Variants in EGFR observed in about 807,000 individuals in gnomAD.
EGFR encodes epidermal growth factor receptor.
A neutral mutation model predicts 143.0 loss-of-function variants in EGFR; 58 were observed. The observed-to-expected ratio is 0.41, with a 90% CI of 0.33 to 0.50. The LOEUF (loss-of-function observed/expected upper bound fraction) is 0.50. Among genes scored for constraint, EGFR ranks in the 20% least tolerant of loss-of-function variants. The pLI is 0.39. For missense variants in EGFR, 1,307 were observed against 1,579.0 expected, an observed-to-expected ratio of 0.83 and a Z score of 2.92; for synonymous variants, 613 against 594.4, an observed-to-expected ratio of 1.03 and a Z score of -0.45.
chr7:55,083,343 T>G (rs976805064), intron 1 of EGFR, among the ~76,000 whole-genome samples: 8 of 152,246 alleles, frequency 5.3e-5, no homozygotes, highest in Admixed American at 2.0e-4. Context: ...CTTGGTATTC[T>G]TTAGACAATA....
rs1472380296 is a variant in EGFR, at chr7:55,156,591, T to C, written c.1065T>C (p.Asn355=). Residue 355 remains asparagine, a synonymous_variant, in exon 9 of 28, where the codon AAT becomes AAC. Transcript: ENST00000275493. ...ACTCACTCTCCATAAATGCTACGAA[T>C]ATTAAACACTTCAAAAACTGCACCT... ...FKDSLSINAT[N]IKHFKNCTSI... is the part of the protein sequence containing the mutation. The C allele has an allele frequency of 3.1e-6, 5 of 1,614,276 alleles. No homozygotes were observed. The highest frequency in any genetic ancestry group is 4.2e-6 in the Non-Finnish European group (5 of 1,180,048).
At chr7:55,164,435 C>A (rs902868484) in intron 14 of EGFR, among the ~76,000 whole-genome samples, 2 of 152,170 alleles carry the variant, frequency 1.3e-5, no homozygotes, top group Non-Finnish European at 2.9e-5. Context: ...ATTTTTTAGA[C>A]ATTCTCTAAA....
Position 55,160,192 on chromosome 7 carries a change from G to A in EGFR, c.1352G>A (p.Arg451His), listed in dbSNP as rs751667594. 4.3e-6 allele frequency: 7 copies of A among 1,614,126 alleles called. No homozygotes were observed. The highest frequency in any genetic ancestry group is 1.3e-5 in the African/African-American group (1 of 75,056). ...VSLNITSLGL[R>H]SLKEISDGDV... ...CTGAACATAACATCCTTGGGATTAC[G>A]CTCCCTCAAGGAGATAAGTGATGGA... Residue 451 changes from arginine to histidine, a missense_variant, in exon 12 of 28, where the codon CGC (arginine) becomes CAC (histidine). By Grantham distance (29) the Arg-to-His change is conservative. Around this residue, in one of 7 missense-constraint regions of EGFR, gnomAD observed 250 missense variants for 295.1 expected, o/e 0.85. Transcript: ENST00000275493.
intron 1 of EGFR, among the ~76,000 whole-genome samples, chr7:55,056,394 T>C (rs1237561301): frequency 6.6e-6 from 1 of 152,194 alleles, no homozygotes; most frequent in African/African-American, 2.4e-5. Context: ...TTATGTCTGA[T>C]TTTTTTCCTC....
At chr7:55,131,952 A>G (rs1584117137) in intron 1 of EGFR, among the ~76,000 whole-genome samples, 1 of 151,500 alleles carries the variant, frequency 6.6e-6, no homozygotes, top group African/African-American at 2.4e-5. Context: ...AAAAAAAAAA[A>G]AAAAAGAAGC....
intron 27 of EGFR, 109 bp downstream of exon 27, chr7:55,202,734 G>C (rs1318652201): frequency 5.2e-6 from 5 of 967,244 alleles, no homozygotes; most frequent in Non-Finnish European, 8.1e-6. Flanking sequence ...TCTCCAGAGG[G>C]GGAAACAGTG....
chr7:55,042,847 T>G (rs778437372), intron 1 of EGFR, among the ~76,000 whole-genome samples: 3 of 152,168 alleles, frequency 2.0e-5, no homozygotes, highest in Non-Finnish European at 4.4e-5. Context: ...CCTCTGGAAA[T>G]GGAAATTAGC....
chr7:55,036,112 T>C (rs1562656808), intron 1 of EGFR, among the ~76,000 whole-genome samples: 1 of 151,788 alleles, frequency 6.6e-6, no homozygotes, highest in Non-Finnish European at 1.5e-5. Context: ...TGAGGAGAAA[T>C]GGGATGAGGG....
At chr7:55,040,255 G>A (rs980124674) in intron 1 of EGFR, among the ~76,000 whole-genome samples, 1 of 152,142 alleles carries the variant, frequency 6.6e-6, no homozygotes, top group Admixed American at 6.6e-5. Context: ...TTATGCCTCT[G>A]TAGCTATATT....
At chr7:55,050,086 A>T (rs747009619) in intron 1 of EGFR, among the ~76,000 whole-genome samples, 1 of 152,220 alleles carries the variant, frequency 6.6e-6, no homozygotes, top group Admixed American at 6.5e-5. Flanking sequence ...GTGGCAAAAT[A>T]TACACAACAT....
At chr7:55,122,433 C>T (rs571526322) in intron 1 of EGFR, among the ~76,000 whole-genome samples, 30 of 152,318 alleles carry the variant, frequency 2.0e-4, no homozygotes, top group Non-Finnish European at 3.5e-4. Flanking sequence ...TGGGGGGAAC[C>T]GCACAGCCAC....
intron 1 of EGFR, among the ~76,000 whole-genome samples, chr7:55,093,549 C>T (rs77859177): frequency 3.3e-5 from 5 of 152,306 alleles, no homozygotes; most frequent in Non-Finnish European, 5.9e-5. Flanking sequence ...TTCTCCCGAC[C>T]GTGATGCGCC....
intron 16 of EGFR, among the ~76,000 whole-genome samples, chr7:55,171,810 A>G (rs982064344): frequency 6.6e-6 from 1 of 152,234 alleles, no homozygotes; most frequent in Non-Finnish European, 1.5e-5. Context: ...GCCAGGAATC[A>G]TGGAATTATA....
At position 55,205,942 on chromosome 7, in the gene EGFR, T is replaced by C. The variant is rs1788092606; in HGVS notation, c.*325T>C. 2.3e-6 allele frequency: 1 copy of C among 426,882 alleles called. No individual in the cohort carries two copies. 26.4% of individuals were successfully genotyped at this position (426,882 alleles called of 1,614,324 possible). On this transcript the variant is annotated 3_prime_UTR_variant, in exon 28 of 28. Transcript: ENST00000275493. ...TGTGAGGATTTTTATTGATTGGGGA[T>C]CTTGGAGTTTTTCATTGTCGCTATT... is the stretch of plus-strand genomic sequence containing the variant.
chr7:55,026,614 G>A (rs1786900749), intron 1 of EGFR, among the ~76,000 whole-genome samples: 1 of 152,130 alleles, frequency 6.6e-6, no homozygotes, highest in Non-Finnish European at 1.5e-5. Flanking sequence ...CCTCCAGCAG[G>A]GAAGATGCCA....
At chr7:55,103,960 A>C (rs181858483) in intron 1 of EGFR, among the ~76,000 whole-genome samples, 80 of 152,312 alleles carry the variant, frequency 5.3e-4, no homozygotes, top group African/African-American at 1.9e-3. Context: ...CATTATATTC[A>C]TTTTTATTTT....
At chr7:55,109,431 G>A (rs1792330233) in intron 1 of EGFR, among the ~76,000 whole-genome samples, 1 of 152,200 alleles carries the variant, frequency 6.6e-6, no homozygotes, top group African/African-American at 2.4e-5. Context: ...TGGCCCTTGA[G>A]GTGTGGCCTC....
chr7:55,179,684 C>G (rs774785807), intron 19 of EGFR: 1 of 152,176 alleles, frequency 6.6e-6, no homozygotes, highest in African/African-American at 2.4e-5. Context: ...ACAGTTTGCC[C>G]TCCATGTCTG....
intron 1 of EGFR, among the ~76,000 whole-genome samples, chr7:55,026,519 G>T (rs577932573): frequency 1.9e-3 from 295 of 152,300 alleles, no homozygotes; most frequent in African/African-American, 6.9e-3. Context: ...AGGTCAGCAT[G>T]ACCATAAACC....
Sources: allele counts gnomAD v4.1 joint callset (sites outside exome capture counted in the v4.1 genomes callset), GRCh38; gene constraint gnomAD v4.1.1; regional missense constraint gnomAD v4.1.1; transcripts MANE v1.5; gene names NCBI Gene and HGNC (gene_info 2026-07-23, HGNC 2026-07-21).